FLVCR2: variants seen among roughly 807,000 people sequenced by gnomAD.
FLVCR2 encodes FLVCR choline and putative heme transporter 2.
Under a neutral mutation model 48.9 loss-of-function variants are expected in FLVCR2, and 38 were observed. The ratio of observed to expected loss-of-function variants is 0.78; its 90% CI spans 0.60 to 1.02. The LOEUF is 1.02. FLVCR2 is among the 50% of genes least tolerant of loss of function. FLVCR2 has a pLI of 0.00. For missense variants in FLVCR2, 664 were observed against 663.3 expected, an observed-to-expected ratio of 1.00 and a Z score of -0.01; for synonymous variants, 255 against 257.0, an observed-to-expected ratio of 0.99 and a Z score of 0.07.
At chr14:75,643,943 G>A (rs1371230583) in intron 9 of FLVCR2, among the ~76,000 whole-genome samples, 2 of 151,738 alleles carry the variant, frequency 1.3e-5, no homozygotes, top group African/African-American at 2.4e-5. Context: ...AGTGTCGCAC[G>A]CTTGTAATCC....
intron 3 of FLVCR2, among the ~76,000 whole-genome samples, chr14:75,628,373 C>A (rs1889959926): frequency 1.3e-5 from 2 of 152,150 alleles, no homozygotes; most frequent in African/African-American, 4.8e-5. Context: ...CCTTGGCCTC[C>A]CAACAAAAAC....
At chr14:75,622,341 G>A in intron 2 of FLVCR2, 121 bp downstream of exon 2, 1 of 1,039,620 alleles carries the variant, frequency 9.6e-7, no homozygotes, top group South Asian at 1.3e-5. Flanking sequence ...AGAAACTGGA[G>A]TCTGGGCTTC....
At chr14:75,645,517 T>C (rs1016066639) in intron 9 of FLVCR2, among the ~76,000 whole-genome samples, 2 of 152,194 alleles carry the variant, frequency 1.3e-5, no homozygotes, top group East Asian at 3.9e-4. Context: ...TTAGAAGACT[T>C]TCCTGTAAAT....
At chr14:75,639,311 G>A (rs1241765052) in intron 5 of FLVCR2, 41 bp from the exon 6 acceptor site, 3 of 1,260,810 alleles carry the variant, frequency 2.4e-6, no homozygotes, top group Admixed American at 1.7e-5. Flanking sequence ...GCCTATTAAA[G>A]TCAGAAGTGT....
At chr14:75,588,282 A>T (rs147721401) in intron 1 of FLVCR2, among the ~76,000 whole-genome samples, 12 of 152,330 alleles carry the variant, frequency 7.9e-5, no homozygotes, top group African/African-American at 2.9e-4. Context: ...CTGCGTCATA[A>T]CATGGTGAAT....
At chr14:75,595,780 C>T (rs1369450290) in intron 1 of FLVCR2, 8 of 724,220 alleles carry the variant, frequency 1.1e-5, no homozygotes, top group African/African-American at 8.9e-5. Flanking sequence ...CCACAATGGC[C>T]ACAGATTACA....
intron 1 of FLVCR2, among the ~76,000 whole-genome samples, chr14:75,591,355 T>G (rs1293466089): frequency 6.6e-6 from 1 of 152,264 alleles, no homozygotes. Context: ...CAGCAGACTT[T>G]AAATCTTAAA....
At chr14:75,622,531 G>GC (rs1889792461) in intron 2 of FLVCR2, among the ~76,000 whole-genome samples, 1 of 152,144 alleles carries the variant, frequency 6.6e-6, no homozygotes, top group Non-Finnish European at 1.5e-5. Flanking sequence ...GAGCACTTAG[G>GC]CCATCACAGG....
intron 7 of FLVCR2, 59 bp downstream of exon 7, chr14:75,641,119 C>T: frequency 6.5e-7 from 1 of 1,548,352 alleles, no homozygotes; most frequent in South Asian, 1.1e-5. Context: ...CATGGCAGCT[C>T]AGTTCTTCCT....
intron 1 of FLVCR2, chr14:75,595,949 T>C: frequency 6.7e-7 from 1 of 1,485,450 alleles, no homozygotes; most frequent in Non-Finnish European, 9.4e-7. Context: ...TATGTTTGGG[T>C]TCATTTTTCT....
intron 1 of FLVCR2, among the ~76,000 whole-genome samples, chr14:75,605,219 A>G (rs1283466358): frequency 6.6e-6 from 1 of 152,212 alleles, no homozygotes; most frequent in Non-Finnish European, 1.5e-5. Context: ...TTGGAGTGCC[A>G]TCAAGGATGA....
intron 8 of FLVCR2, 140 bp downstream of exon 8, chr14:75,641,433 C>T: frequency 1.4e-6 from 1 of 710,022 alleles, no homozygotes; most frequent in Non-Finnish European, 2.6e-6. Flanking sequence ...GGAGGCAGCA[C>T]ATTGTTTTGG....
At chr14:75,581,503 G>T (rs746485740) in intron 1 of FLVCR2, among the ~76,000 whole-genome samples, 2 of 151,990 alleles carry the variant, frequency 1.3e-5, no homozygotes, top group Non-Finnish European at 2.9e-5. Context: ...AAGAGCCTGA[G>T]AAACTGCTTG....
intron 1 of FLVCR2, 116 bp downstream of exon 1, chr14:75,579,757 C>G (rs1888548590): frequency 9.4e-6 from 11 of 1,175,786 alleles, no homozygotes; most frequent in Non-Finnish European, 1.1e-5. Context: ...CTCTGGGTGA[C>G]AGTAACTGGG....
At chr14:75,610,215 G>C (rs974880362) in intron 1 of FLVCR2, among the ~76,000 whole-genome samples, 1 of 152,104 alleles carries the variant, frequency 6.6e-6, no homozygotes, top group Admixed American at 6.5e-5. Flanking sequence ...AATGTATTGA[G>C]GTGACAGTGA....
At chr14:75,643,097 A>G (rs549192486) in intron 9 of FLVCR2, among the ~76,000 whole-genome samples, 1 of 152,310 alleles carries the variant, frequency 6.6e-6, no homozygotes, top group South Asian at 2.1e-4. Flanking sequence ...CCTGACCTCA[A>G]ATGACCCACC....
intron 1 of FLVCR2, among the ~76,000 whole-genome samples, chr14:75,586,890 A>C (rs10130487): frequency 0.028 from 4,306 of 152,168 alleles, 216 homozygotes; most frequent in African/African-American, 0.098. Context: ...GTTTTAAAAA[A>C]TTGTGCCAGG....
rs189408959 is a variant in FLVCR2 at position 75,602,306 on chromosome 14, A to G, written c.670-19773A>G. Among the ~76,000 whole-genome samples, 265 of 152,246 alleles carry G rather than the reference A, an allele frequency of 1.7e-3. 1 individual carries two copies. Among genetic ancestry groups the G allele is most frequent in the Non-Finnish European group, 3.0e-3 (203 of 68,006 alleles). ...GTTCGAATCCATGATCTTTCTGGTG[A>G]CCAGCCCCCTTCTGAGGCTACCTAG... On this transcript the variant is annotated intron_variant, in intron 1 of 9. Coordinates refer to ENST00000238667, the MANE Select transcript of FLVCR2 (RefSeq NM_017791.3).
intron 2 of FLVCR2, 150 bp from the exon 3 acceptor site, chr14:75,624,462 G>C: frequency 1.2e-6 from 1 of 846,274 alleles, no homozygotes; most frequent in Non-Finnish European, 2.0e-6. Flanking sequence ...TTCAAGAAGG[G>C]GGCTGTTAAG....
Sources: allele counts gnomAD v4.1 joint callset (sites outside exome capture counted in the v4.1 genomes callset), GRCh38; gene constraint gnomAD v4.1.1; transcripts MANE v1.5; gene names NCBI Gene and HGNC (gene_info 2026-07-23, HGNC 2026-07-21).